Variants in PTPRD observed in about 807,000 individuals in gnomAD.
PTPRD encodes protein tyrosine phosphatase receptor type D, also known as receptor-type tyrosine-protein phosphatase delta.
A neutral mutation model predicts 214.5 loss-of-function variants in PTPRD; 34 were observed. That is an observed-to-expected ratio of 0.16 (90% CI 0.12 to 0.21). PTPRD has a LOEUF of 0.21. Ranked by LOEUF, PTPRD falls within the 10% of genes least tolerant of loss-of-function variation. PTPRD has a pLI of 1.00. For missense variants in PTPRD, 2,545 were observed against 2,398.7 expected (o/e 1.06, Z -1.27); for synonymous variants, 1,128 against 845.7 (o/e 1.33, Z -5.79).
intron 8 of PTPRD, among the ~76,000 whole-genome samples, chr9:9,424,056 T>G (rs112931743): frequency 6.6e-6 from 1 of 152,158 alleles, no homozygotes; most frequent in Admixed American, 6.5e-5. Context: ...AAGATATATA[T>G]TTTGCTCAAG....
intron 37 of PTPRD, among the ~76,000 whole-genome samples, chr9:8,378,648 C>A (rs1050549107): frequency 6.6e-6 from 1 of 151,974 alleles, no homozygotes; most frequent in African/African-American, 2.4e-5. Context: ...TTAAAATAAA[C>A]TAATGAAATC....
intron 2 of PTPRD, among the ~76,000 whole-genome samples, chr9:10,504,468 T>A (rs1442331283): frequency 6.6e-6 from 1 of 152,128 alleles, no homozygotes; most frequent in Non-Finnish European, 1.5e-5. Context: ...TATTATTGCC[T>A]CAGAAACGAT....
chr9:10,607,789 A>T (rs2079853875), intron 2 of PTPRD, among the ~76,000 whole-genome samples: 1 of 152,002 alleles, frequency 6.6e-6, no homozygotes, highest in African/African-American at 2.4e-5. Context: ...TAAAATTAAC[A>T]TTGCATATAT....
At chr9:9,649,400 A>C (rs2096277164) in intron 7 of PTPRD, among the ~76,000 whole-genome samples, 1 of 152,214 alleles carries the variant, frequency 6.6e-6, no homozygotes, top group Admixed American at 6.5e-5. Flanking sequence ...GGCAGCAGTG[A>C]TTATAAACTG....
chr9:9,448,789 AG>A (rs1259553590), intron 8 of PTPRD, among the ~76,000 whole-genome samples: 3 of 152,062 alleles, frequency 2.0e-5, no homozygotes, highest in Non-Finnish European at 2.9e-5. Context: ...TGTTTTCAGC[AG>A]GGGGATTAAA....
At chr9:8,429,091 A>G (rs2094880715) in intron 35 of PTPRD, among the ~76,000 whole-genome samples, 1 of 152,256 alleles carries the variant, frequency 6.6e-6, no homozygotes, top group Non-Finnish European at 1.5e-5. Flanking sequence ...TCCCAGGAAT[A>G]GTCATGCAAT....
chr9:10,603,406 G>A (rs145310139), intron 2 of PTPRD, among the ~76,000 whole-genome samples: 52 of 151,908 alleles, frequency 3.4e-4, no homozygotes, highest in African/African-American at 1.0e-3. Flanking sequence ...ATGATAACTT[G>A]TGCTCACTTC....
chr9:10,575,490 T>C (rs1252694681), intron 2 of PTPRD, among the ~76,000 whole-genome samples: 1 of 152,084 alleles, frequency 6.6e-6, no homozygotes, highest in Non-Finnish European at 1.5e-5. Context: ...TTGTTTATGA[T>C]CTAGAAATTA....
intron 4 of PTPRD, among the ~76,000 whole-genome samples, chr9:9,989,037 A>AAAAAAAAAAAAC (rs1555436290): frequency 3.3e-5 from 4 of 121,364 alleles, no homozygotes; most frequent in Non-Finnish European, 5.6e-5. Context: ...AAAAAAAAAA[A>AAAAAAAAAAAAC]AAAAAAAACC....
chr9:8,875,277 G>T (rs2098374342), intron 11 of PTPRD, among the ~76,000 whole-genome samples: 1 of 152,180 alleles, frequency 6.6e-6, no homozygotes, highest in Non-Finnish European at 1.5e-5. Context: ...TATAATTTCA[G>T]CACTTCGGGA....
At chr9:8,320,807 AAATT>A (rs1340567936) in intron 44 of PTPRD, among the ~76,000 whole-genome samples, 5 of 152,164 alleles carry the variant, frequency 3.3e-5, no homozygotes, top group Admixed American at 1.3e-4. Context: ...GCAAGAAAGA[AAATT>A]AATTCATAGC....
Position 10,292,083 on chromosome 9 carries a change from G to A in PTPRD, c.-545+48880C>T, listed in dbSNP as rs558257794. 5.3e-5 allele frequency among the ~76,000 whole-genome samples: 8 copies of A among 152,020 alleles called. No individual in the cohort carries two copies. In the East Asian group the frequency reaches 5.8e-4, roughly 11 times the overall value. On this transcript the variant is annotated intron_variant, in intron 3 of 45. Coordinates refer to ENST00000381196, the MANE Select transcript of PTPRD (RefSeq NM_002839.4). The stretch of plus-strand genomic sequence containing the variant: ...CCTATATTATGAAAAGTTCTAAGGC[G>A]TTAATCCTAACCCAGGAAAAATGTA...
intron 9 of PTPRD, among the ~76,000 whole-genome samples, chr9:9,234,470 A>T (rs904862652): frequency 3.3e-5 from 5 of 152,114 alleles, no homozygotes; most frequent in African/African-American, 1.2e-4. Flanking sequence ...GGTGATTAAC[A>T]TTTGGTTCCT....
At chr9:9,020,979 C>T (rs952054797) in intron 10 of PTPRD, among the ~76,000 whole-genome samples, 1 of 152,084 alleles carries the variant, frequency 6.6e-6, no homozygotes, top group Non-Finnish European at 1.5e-5. Flanking sequence ...ACTTTCTAAT[C>T]CTTACGTTTG....
intron 9 of PTPRD, among the ~76,000 whole-genome samples, chr9:9,215,515 A>G (rs1054325995): frequency 4.6e-5 from 7 of 152,150 alleles, no homozygotes; most frequent in Non-Finnish European, 1.0e-4. Flanking sequence ...TCCATGGGCT[A>G]AGCAGAATGG....
At chr9:9,203,886 A>G (rs982180517) in intron 9 of PTPRD, among the ~76,000 whole-genome samples, 2 of 152,224 alleles carry the variant, frequency 1.3e-5, no homozygotes, top group African/African-American at 2.4e-5. Flanking sequence ...AGTGTAGAGT[A>G]TGAGAAGAAT....
intron 11 of PTPRD, among the ~76,000 whole-genome samples, chr9:8,795,250 C>T (rs2096376428): frequency 6.6e-6 from 1 of 152,006 alleles, no homozygotes; most frequent in Non-Finnish European, 1.5e-5. Flanking sequence ...CTGCAACCTC[C>T]GCCTCCCAGG....
At chr9:9,961,714 C>A (rs1446773381) in intron 4 of PTPRD, among the ~76,000 whole-genome samples, 1 of 152,096 alleles carries the variant, frequency 6.6e-6, no homozygotes, top group Non-Finnish European at 1.5e-5. Flanking sequence ...CTCTGACAAT[C>A]AGATAAGATG....
intron 3 of PTPRD, among the ~76,000 whole-genome samples, chr9:10,257,440 C>T (rs1278719104): frequency 1.3e-5 from 2 of 152,126 alleles, no homozygotes; most frequent in African/African-American, 4.8e-5. Context: ...GAGTCAAAAT[C>T]ACCATCAGAG....
Sources: allele counts gnomAD v4.1 joint callset (sites outside exome capture counted in the v4.1 genomes callset), GRCh38; gene constraint gnomAD v4.1.1; transcripts MANE v1.5; gene names NCBI Gene and HGNC (gene_info 2026-07-23, HGNC 2026-07-21).